Variants in CPS1 observed in about 807,000 individuals in gnomAD.
CPS1 encodes the protein carbamoyl-phosphate synthase 1, also known as carbamoyl-phosphate synthase [ammonia], mitochondrial.
CPS1 carries 109 observed loss-of-function variants against 174.6 expected under a neutral mutation model. The observed-to-expected ratio is 0.62, with a 90% CI of 0.53 to 0.73. The LOEUF is 0.73. Among genes scored for constraint, CPS1 ranks in the 30% least tolerant of loss-of-function variants. CPS1 has a pLI of 0.00. For missense variants in CPS1, 1,689 were observed against 1,821.9 expected (o/e 0.93, Z 1.33); for synonymous variants, 637 against 632.0 (o/e 1.01, Z -0.12).
At chr2:210,564,942 C>T (rs1204084339) in intron 1 of CPS1, among the ~76,000 whole-genome samples, 4 of 151,572 alleles carry the variant, frequency 2.6e-5, no homozygotes, top group South Asian at 2.1e-4. Context: ...TTGCAGTGAG[C>T]CAAGATCATG....
rs367595060 is a variant in CPS1 at position 210,658,614 on chromosome 2, C to T, written c.3682C>T (p.Arg1228Trp). The change falls in exon 31 of 38, where the codon CGG becomes TGG. Residue 1228 changes from arginine to tryptophan, a missense_variant. Transcript: ENST00000233072. The stretch of plus-strand genomic sequence containing the variant: ...TTTAATTCAGGTGAAGGATGCTACC[C>T]GGAAGATTGCAAAGGCTTTTGCCAT... ...GAIEKVKDAT[R>W]KIAKAFAISG... The T allele has an allele frequency of 2.2e-4, 353 of 1,613,862 alleles. No homozygotes were observed. Among genetic ancestry groups the T allele is most frequent in the Non-Finnish European group, 2.8e-4 (331 of 1,179,864 alleles).
At position 210,613,834 on chromosome 2, in the gene CPS1, G is replaced by C. The variant is rs564121432; in HGVS notation, c.2568+1541G>C. Among the ~76,000 whole-genome samples the C allele has an allele frequency of 2.6e-5, 4 of 151,904 alleles. No homozygotes were observed. In the East Asian group the frequency reaches 7.8e-4, roughly 30 times the overall value. ...TATGAGCAAGAAGTGCAGGGGCTGC[G>C]TGTAAATTATTGCCTGCTCGAGTGC... is the stretch of plus-strand genomic sequence containing the variant. On this transcript the variant is annotated intron_variant, in intron 20 of 37. Transcript: ENST00000233072.
intron 21 of CPS1, among the ~76,000 whole-genome samples, chr2:210,633,532 GA>G (rs1476105292): frequency 5.3e-5 from 8 of 152,158 alleles, no homozygotes; most frequent in African/African-American, 1.9e-4. Flanking sequence ...GCATATTCCA[GA>G]AATGAAAATA....
chr2:210,526,810 A>G (rs1695984464), intron 1 of CPS1, among the ~76,000 whole-genome samples: 1 of 151,988 alleles, frequency 6.6e-6, no homozygotes, highest in Non-Finnish European at 1.5e-5. Flanking sequence ...ACAAAGATTT[A>G]AACATTACTC....
rs1012788122 is a variant in CPS1, at chr2:210,639,984, T to C, written c.2896-12T>C. 2 of 1,600,722 alleles carry C rather than the reference T, an allele frequency of 1.2e-6. No individual in the cohort carries two copies. The highest frequency in any genetic ancestry group is 1.7e-6 in the Non-Finnish European group (2 of 1,168,704). On this transcript the variant is annotated splice_polypyrimidine_tract_variant and intron_variant, in intron 23 of 37. Transcript: ENST00000233072. ...TAATGATTTCTGCATCTTCCTTTTC[T>C]TATTTCCTCAGGAGCATGATGTCAA...
chr2:210,550,380 A>G (rs1222955006), intron 1 of CPS1, among the ~76,000 whole-genome samples: 1 of 151,938 alleles, frequency 6.6e-6, no homozygotes, highest in East Asian at 1.9e-4. Context: ...TATAATTGAC[A>G]TGCTCCAAGA....
At chr2:210,502,483 A>AAG (rs199533346) in intron 1 of CPS1, among the ~76,000 whole-genome samples, 33,505 of 146,950 alleles carry the variant, frequency 0.23, 4,079 homozygotes, top group Middle Eastern at 0.37. Context: ...TTATATATAA[A>AAG]AGAGATATAA....
chr2:210,662,360 G>A (rs568938358), intron 32 of CPS1, among the ~76,000 whole-genome samples: 1 of 152,314 alleles, frequency 6.6e-6, no homozygotes, highest in East Asian at 1.9e-4. Flanking sequence ...AAGCTGAAAT[G>A]CAGAAATATG....
At chr2:210,565,462 A>G (rs1056577526) in intron 1 of CPS1, among the ~76,000 whole-genome samples, 2 of 152,182 alleles carry the variant, frequency 1.3e-5, no homozygotes, top group African/African-American at 4.8e-5. Context: ...ATTAGCTACA[A>G]TCCTTGGCCT....
intron 16 of CPS1, 53 bp from the exon 17 acceptor site, chr2:210,605,049 T>C: frequency 6.2e-7 from 1 of 1,606,392 alleles, no homozygotes; most frequent in Non-Finnish European, 8.5e-7. Flanking sequence ...AATATCCTTG[T>C]TGAAGCCAGT....
At chr2:210,668,059 T>C (rs1040922841) in intron 33 of CPS1, 127 bp from the exon 34 acceptor site, 37 of 690,348 alleles carry the variant, frequency 5.4e-5, no homozygotes, top group South Asian at 2.0e-4. Flanking sequence ...AGTAAAGTAC[T>C]TTCCATTTGT....
At chr2:210,577,604 G>A in intron 4 of CPS1, 94 bp downstream of exon 4, 5 of 931,502 alleles carry the variant, frequency 5.4e-6, no homozygotes, top group East Asian at 2.4e-5. Context: ...GGAAGATCAT[G>A]TAGTTTGGGA....
chr2:210,659,639 G>A (rs1382678751), intron 31 of CPS1, among the ~76,000 whole-genome samples: 1 of 152,114 alleles, frequency 6.6e-6, no homozygotes, highest in East Asian at 1.9e-4. Context: ...CCTACTCGCA[G>A]TCATTTGGTG....
Position 210,519,865 on chromosome 2 carries a change from T to C in CPS1, c.4-36854T>C, listed in dbSNP as rs1045727769. 28 of 838,708 alleles carry C rather than the reference T, an allele frequency of 3.3e-5. No homozygotes were observed. In the East Asian group the frequency reaches 1.2e-3, roughly 37 times the overall value. 52.0% of individuals were successfully genotyped at this position (838,708 alleles called of 1,614,324 possible). ...AAAATGGCTTTGTTCTGGGTTGTAG[T>C]GATATAATCAGAGATGCGTTCCAGC... On this transcript the variant is annotated intron_variant, in intron 1 of 38. Coordinates refer to the CPS1 transcript ENST00000430249.
In CPS1 at chr2:210,510,259, C is replaced by G. The variant is rs554779340; in HGVS notation, c.3+32493C>G. ...ACTATCTGATCTTTGACAAACCTGA[C>G]AAAAACAAGCAATGGGGAAAGGATT... is the stretch of plus-strand genomic sequence containing the variant. On this transcript the variant is annotated intron_variant, in intron 1 of 38. Transcript: ENST00000430249. Among the ~76,000 whole-genome samples the G allele has an allele frequency of 1.2e-4, 18 of 152,162 alleles. No individual in the cohort carries two copies. The South Asian group carries it at 1.2e-3, about 11-fold the overall frequency.
chr2:210,589,253 T>C (rs150105856), intron 7 of CPS1, among the ~76,000 whole-genome samples: 190 of 152,178 alleles, frequency 1.2e-3, no homozygotes, highest in African/African-American at 4.3e-3. Flanking sequence ...TTCCTCTCTG[T>C]TTAGTATGGA....
chr2:210,675,779 G>A lies in CPS1; in HGVS notation c.4213G>A (p.Ala1405Thr). 13 of 1,611,332 alleles carry A rather than the reference G, an allele frequency of 8.1e-6. No individual in the cohort carries two copies. Among genetic ancestry groups the A allele is most frequent in the Non-Finnish European group, 1.1e-5 (13 of 1,177,514 alleles). ...SDWLNANNVP[A>T]TPVAWPSQEG... ...CTGGCTCAACGCCAACAATGTCCCT[G>A]CCACCCCAGTGGCATGGCCGTCTCA... The change falls in exon 36 of 38, where the codon GCC (alanine) becomes ACC (threonine). Residue 1405 changes from alanine (A) to threonine (T), a missense_variant. Physicochemically the swap from Ala to Thr is moderately conservative, Grantham distance 58 (BLOSUM62 0). Transcript: ENST00000233072.
intron 1 of CPS1, among the ~76,000 whole-genome samples, chr2:210,489,472 C>G (rs2105949179): frequency 6.6e-6 from 1 of 152,288 alleles, no homozygotes; most frequent in Non-Finnish European, 1.5e-5. Context: ...TGACCTTACT[C>G]TGATAGACTG....
At chr2:210,496,154 G>A (rs1337232579) in intron 1 of CPS1, among the ~76,000 whole-genome samples, 3 of 151,708 alleles carry the variant, frequency 2.0e-5, no homozygotes, top group Admixed American at 6.6e-5. Context: ...CACCTAGCAG[G>A]GGCACTAGAA....
Sources: gnomAD v4.1 joint callset for allele counts (sites outside exome capture counted in the v4.1 genomes callset) on GRCh38, gnomAD v4.1.1 for gene constraint, MANE v1.5 for transcripts, NCBI Gene and HGNC (gene_info 2026-07-23, HGNC 2026-07-21) for gene names.